Variants in RASSF6 observed in about 807,000 individuals in gnomAD.
RASSF6 encodes Ras association domain family member 6, also known as ras association domain-containing protein 6.
RASSF6 carries 52 observed loss-of-function variants against 44.0 expected under a neutral mutation model. The ratio of observed to expected loss-of-function variants is 1.18; its 90% CI spans 0.95 to 1.49. The LOEUF (loss-of-function observed/expected upper bound fraction) is 1.49, where lower values mean the gene tolerates loss of function less well. Among genes scored for constraint, RASSF6 ranks in the 40% most tolerant of loss-of-function variants. The pLI is 0.00. For missense variants in RASSF6, 464 were observed against 393.3 expected, an observed-to-expected ratio of 1.18 and a Z score of -1.52; for synonymous variants, 162 against 124.6, an observed-to-expected ratio of 1.30 and a Z score of -2.00.
intron 3 of RASSF6, among the ~76,000 whole-genome samples, chr4:73,597,106 C>T (rs747920279): frequency 6.6e-6 from 1 of 152,030 alleles, no homozygotes; most frequent in Non-Finnish European, 1.5e-5. Flanking sequence ...TGCAACAAAA[C>T]CAAAAATTGG....
chr4:73,576,808 T>C lies in RASSF6; in HGVS notation c.722-77A>G, dbSNP rs1723267180. On this transcript the variant is annotated intron_variant, in intron 8 of 10. Coordinates refer to ENST00000307439, the MANE Select transcript of RASSF6 (RefSeq NM_177532.5). ...AGAAGGAAGATAATTTTCCAATTTATTTTTCGTATTTAACTCACTTTGAAA... is the reference window on the plus strand; with the variant it reads ...AGAAGGAAGATAATTTTCCAATTTACTTTTCGTATTTAACTCACTTTGAAA... The C allele has an allele frequency of 1.5e-5, 14 of 927,166 alleles. 1 individual carries two copies. The highest frequency in any genetic ancestry group is 4.7e-4 in the Middle Eastern group (2 of 4,282). The allele number at this position is 927,166 out of a possible 1,614,324, so 57.4% of individuals were successfully genotyped here.
chr4:73,611,140 A>T lies in RASSF6; in HGVS notation c.65+591T>A, dbSNP rs986669341. On this transcript the variant is annotated intron_variant, in intron 2 of 10. Transcript: ENST00000307439. ...TTTGGGTCATGTTTCAGTACCACTTATTTTTTCATGATTTCATCTCCTCTC... is the reference window on the plus strand; with the variant it reads ...TTTGGGTCATGTTTCAGTACCACTTTTTTTTTCATGATTTCATCTCCTCTC... Among the ~76,000 whole-genome samples, 4 of 151,472 alleles carry T rather than the reference A, an allele frequency of 2.6e-5. 1 individual carries two copies. The highest frequency in any genetic ancestry group is 2.0e-4 in the Admixed American group (3 of 15,210).
intron 1 of RASSF6, among the ~76,000 whole-genome samples, chr4:73,612,644 T>C (rs1054886538): frequency 9.2e-5 from 14 of 152,114 alleles, no homozygotes; most frequent in Non-Finnish European, 2.1e-4. Context: ...AGGAAAGCTA[T>C]TCTTCTATTC....
chr4:73,583,176 G>A (rs192764965), intron 6 of RASSF6, among the ~76,000 whole-genome samples: 5 of 152,094 alleles, frequency 3.3e-5, no homozygotes, highest in African/African-American at 4.8e-5. Flanking sequence ...AAATGCCCAC[G>A]AACTCCAACT....
Position 73,620,370 on chromosome 4 carries a change from G to T in RASSF6, c.-117C>A. ...TGCTTCGCGGTTTGTTCTCGGCTGGGTCAGGAACTCTGGTAGAGGGAAACC... is the reference window on the plus strand; with the variant it reads ...TGCTTCGCGGTTTGTTCTCGGCTGGTTCAGGAACTCTGGTAGAGGGAAACC... On this transcript the variant is annotated 5_prime_UTR_variant, in exon 1 of 11. Transcript: ENST00000307439. The T allele has an allele frequency of 6.6e-7, 1 of 1,519,868 alleles. No homozygotes were observed. The highest frequency in any genetic ancestry group is 2.6e-5 in the East Asian group (1 of 39,132). 94.1% of individuals were successfully genotyped at this position (1,519,868 alleles called of 1,614,324 possible).
In RASSF6 at chr4:73,572,580, T is replaced by G. The variant is rs1376565572; in HGVS notation, c.*3655A>C. 3 of 152,162 alleles carry G rather than the reference T, an allele frequency of 2.0e-5. No individual in the cohort carries two copies. The highest frequency in any genetic ancestry group is 3.8e-4 in the East Asian group (2 of 5,202). 9.4% of individuals were successfully genotyped at this position (152,162 alleles called of 1,614,324 possible). ...CGTAAGTCACTAAGTCCAGCCCATT[T>G]TCAGGATGAGGAAGATTAAGCTTCA... On this transcript the variant is annotated 3_prime_UTR_variant, in exon 11 of 11. Transcript: ENST00000307439.
intron 8 of RASSF6, among the ~76,000 whole-genome samples, chr4:73,581,464 C>T (rs1723641556): frequency 6.6e-6 from 1 of 152,108 alleles, no homozygotes; most frequent in South Asian, 2.1e-4. Flanking sequence ...AATCATGACT[C>T]CTCTAAGAGC....
intron 4 of RASSF6, among the ~76,000 whole-genome samples, chr4:73,589,588 A>AT (rs1724365063): frequency 2.0e-5 from 3 of 151,894 alleles, no homozygotes; most frequent in African/African-American, 7.3e-5. Flanking sequence ...TTGGCCCCTT[A>AT]TTTTTTTCTA....
At chr4:73,594,268 C>T (rs190305534) in intron 3 of RASSF6, among the ~76,000 whole-genome samples, 153 of 152,268 alleles carry the variant, frequency 1.0e-3, no homozygotes, top group Non-Finnish European at 1.9e-3. Context: ...GTAATGTTTT[C>T]TGTTATAGAA....
At chr4:73,592,902 C>G (rs2149380038) in intron 4 of RASSF6, among the ~76,000 whole-genome samples, 1 of 152,186 alleles carries the variant, frequency 6.6e-6, no homozygotes, top group South Asian at 2.1e-4. Context: ...GGCTGTGGAC[C>G]CCAGACAGAA....
chr4:73,592,238 T>G (rs938367422), intron 4 of RASSF6, among the ~76,000 whole-genome samples: 1 of 152,224 alleles, frequency 6.6e-6, no homozygotes, highest in African/African-American at 2.4e-5. Flanking sequence ...GGCTTAAATA[T>G]TTTTTCCAAA....
At chr4:73,580,482 C>G (rs1211963113) in intron 8 of RASSF6, among the ~76,000 whole-genome samples, 1 of 151,494 alleles carries the variant, frequency 6.6e-6, no homozygotes, top group African/African-American at 2.4e-5. Flanking sequence ...AGTTTACAGT[C>G]CCACAAACAG....
chr4:73,609,633 G>T (rs1178666619), intron 2 of RASSF6, among the ~76,000 whole-genome samples: 1 of 152,088 alleles, frequency 6.6e-6, no homozygotes, highest in Non-Finnish European at 1.5e-5. Context: ...GTTCTGTGCA[G>T]GAAAATAAAA....
At chr4:73,582,745 C>A (rs887903767) in intron 6 of RASSF6, among the ~76,000 whole-genome samples, 12 of 151,918 alleles carry the variant, frequency 7.9e-5, no homozygotes, top group African/African-American at 2.9e-4. Context: ...TGGGGTGGCT[C>A]ATTGGACTGT....
chr4:73,581,297 C>T (rs1316169079), intron 8 of RASSF6, among the ~76,000 whole-genome samples: 2 of 152,180 alleles, frequency 1.3e-5, no homozygotes, highest in Non-Finnish European at 2.9e-5. Flanking sequence ...TAGCATCCCA[C>T]TTACAGCGCC....
intron 2 of RASSF6, among the ~76,000 whole-genome samples, chr4:73,600,303 T>C (rs1303098242): frequency 6.6e-6 from 1 of 152,108 alleles, no homozygotes; most frequent in South Asian, 2.1e-4. Flanking sequence ...CAAATTCTGG[T>C]TGACTAAAAT....
rs768750163 is a variant in RASSF6 at position 73,576,690 on chromosome 4, T to C, written c.763A>G (p.Arg255Gly). The change falls in exon 9 of 11, where the codon AGG (arginine) becomes GGG (glycine). Residue 255 changes from arginine to glycine, a missense_variant. By Grantham distance (125) the Arg-to-Gly change is moderately radical (BLOSUM62 -2). Transcript: ENST00000307439. ...TTTTCAGAAGGTCCCTGTAGGAGCC[T>C]CTGCAGTAGCGGAATGTCTGTCTTC... is the stretch of plus-strand genomic sequence containing the variant. ...LKKTDIPLLQ[R>G]LLQGPSEKNA... is the part of the protein sequence containing the mutation. 1.2e-6 allele frequency: 2 copies of C among 1,613,428 alleles called. No individual in the cohort carries two copies. The highest frequency in any genetic ancestry group is 8.5e-7 in the Non-Finnish European group (1 of 1,179,578).
intron 1 of RASSF6, chr4:73,615,787 G>A: frequency 1.1e-6 from 1 of 880,902 alleles, no homozygotes; most frequent in Non-Finnish European, 1.8e-6. Context: ...GATGGAGCCT[G>A]AGGAGGCAGT....
At chr4:73,609,377 A>T (rs1745289) in intron 2 of RASSF6, among the ~76,000 whole-genome samples, 1,574 of 152,310 alleles carry the variant, frequency 0.01, 31 homozygotes, top group African/African-American at 0.035. Context: ...ATAAAACAGC[A>T]ACTGGAAGCT....
Sources: allele counts gnomAD v4.1 joint callset (sites outside exome capture counted in the v4.1 genomes callset), GRCh38; gene constraint gnomAD v4.1.1; transcripts MANE v1.5; gene names NCBI Gene and HGNC (gene_info 2026-07-23, HGNC 2026-07-21).